GET1: variants seen among roughly 807,000 people sequenced by gnomAD.
GET1 encodes guided entry of tail-anchored proteins factor 1.
A neutral mutation model predicts 22.6 loss-of-function variants in GET1; 20 were observed. That is an observed-to-expected ratio of 0.89 (90% CI 0.62 to 1.29). The LOEUF is 1.29. Ranked by LOEUF, GET1 falls within the 50% of genes most tolerant of loss-of-function variation. The probability of loss-of-function intolerance (pLI) is 0.00; values close to 1 mark genes in which losing one functional copy is unlikely to be tolerated. For missense variants in GET1, 209 were observed against 219.9 expected, an observed-to-expected ratio of 0.95 and a Z score of 0.31; for synonymous variants, 92 against 83.8, an observed-to-expected ratio of 1.10 and a Z score of -0.53.
At chr21:39,412,214 C>G (rs2040205138) in intron 1 of GET1, among the ~76,000 whole-genome samples, 3 of 152,154 alleles carry the variant, frequency 2.0e-5, no homozygotes, top group African/African-American at 4.8e-5. Context: ...CGGTCAGCAG[C>G]TGTGTGTGAC....
chr21:39,401,969 C>T (rs994212890), downstream of GET1, among the ~76,000 whole-genome samples: 2 of 152,166 alleles, frequency 1.3e-5, no homozygotes. Flanking sequence ...CCCAGGGCTC[C>T]CTATTCCTTA....
intron 4 of GET1, among the ~76,000 whole-genome samples, chr21:39,404,521 G>A (rs1365657771): frequency 6.6e-6 from 1 of 152,142 alleles, no homozygotes; most frequent in Non-Finnish European, 1.5e-5. Context: ...GAGGTGGGCA[G>A]ATCACCTGAG....
chr21:39,424,306 G>A lies in GET1; in HGVS notation c.*24-3926G>A, dbSNP rs1018053561. Among the ~76,000 whole-genome samples the A allele has an allele frequency of 2.6e-5, 4 of 152,108 alleles. No homozygotes were observed. In the East Asian group the frequency reaches 7.7e-4, roughly 29 times the overall value. On this transcript the variant is annotated intron_variant, in intron 1 of 1. Transcript: ENST00000478273. Reference sequence around the variant, plus strand: ...TGGGATTACAGGTGGGAGCCATTGTGCCCGGCCTCTACAAAATTTTGAAAA... The same window carrying A: ...TGGGATTACAGGTGGGAGCCATTGTACCCGGCCTCTACAAAATTTTGAAAA...
chr21:39,395,491 G>A (rs529186590), intron 4 of GET1, among the ~76,000 whole-genome samples: 8 of 151,880 alleles, frequency 5.3e-5, no homozygotes, highest in African/African-American at 9.7e-5. Context: ...CAGCCTCCCC[G>A]GTAGCTGGGA....
At position 39,387,701 on chromosome 21, in the gene GET1, C is replaced by A. The variant is rs59724875; in HGVS notation, c.103-2997C>A. 2,260 of 807,458 alleles carry A rather than the reference C, an allele frequency of 2.8e-3. 56 individuals are homozygous for A. The African/African-American group carries it at 0.04, about 14-fold the overall frequency. 50.0% of individuals were successfully genotyped at this position (807,458 alleles called of 1,614,324 possible). On this transcript the variant is annotated intron_variant, in intron 1 of 4. Coordinates refer to ENST00000649170, the MANE Select transcript of GET1 (RefSeq NM_004627.6). ...CCCTACTCCCCACACTCCCCCCCCCCACTTTTGCCTCATCACGCAGGCGCT... is the reference window on the plus strand; with the variant it reads ...CCCTACTCCCCACACTCCCCCCCCCAACTTTTGCCTCATCACGCAGGCGCT...
At position 39,420,656 on chromosome 21, in the gene GET1, T is replaced by A. The variant is rs139473385; in HGVS notation, c.*24-7576T>A. The A allele has an allele frequency of 1.8e-5, 27 of 1,505,528 alleles. No individual in the cohort carries two copies. In the Middle Eastern group the frequency reaches 8.3e-4, roughly 46 times the overall value. The allele number at this position is 1,505,528 out of a possible 1,614,324, so 93.3% of individuals were successfully genotyped here. Reference sequence around the variant, plus strand: ...ATATAATAGACATAAATAGCTCATATATTTCGGGAAACAGGATTTCATTCT... The same window carrying A: ...ATATAATAGACATAAATAGCTCATAAATTTCGGGAAACAGGATTTCATTCT... On this transcript the variant is annotated intron_variant, in intron 1 of 1. Transcript: ENST00000478273.
intron 1 of GET1, chr21:39,387,705 T>G: frequency 1.8e-6 from 1 of 568,858 alleles, no homozygotes; most frequent in Non-Finnish European, 2.2e-6. Context: ...CCCCCCCACT[T>G]TTGCCTCATC....
At chr21:39,420,220 T>C (rs999606520) in intron 1 of GET1, among the ~76,000 whole-genome samples, 1 of 152,022 alleles carries the variant, frequency 6.6e-6, no homozygotes, top group Non-Finnish European at 1.5e-5. Flanking sequence ...AGAAAGATAT[T>C]AATGAAGTTA....
chr21:39,410,303 C>CT, downstream of GET1: 1 of 1,610,768 alleles, frequency 6.2e-7, no homozygotes, highest in Non-Finnish European at 8.5e-7. Flanking sequence ...TTTGGGTTCC[C>CT]TGGTGTCTCA....
downstream of GET1, among the ~76,000 whole-genome samples, chr21:39,401,382 T>A (rs896426135): frequency 6.6e-6 from 1 of 152,142 alleles, no homozygotes; most frequent in Non-Finnish European, 1.5e-5. Flanking sequence ...ATAGTTTTTA[T>A]TAAATATTGA....
chr21:39,385,292 T>C (rs1283193535), intron 1 of GET1, among the ~76,000 whole-genome samples: 1 of 152,054 alleles, frequency 6.6e-6, no homozygotes, highest in Non-Finnish European at 1.5e-5. Flanking sequence ...GCCGCACTGG[T>C]CCCCGCACTG....
intron 4 of GET1, 54 bp downstream of exon 4, chr21:39,393,334 G>A (rs1440184648): frequency 7.1e-7 from 1 of 1,408,850 alleles, no homozygotes; most frequent in Admixed American, 1.7e-5. Flanking sequence ...TTATGTAGAG[G>A]TGTGTGGTAG....
intron 1 of GET1, chr21:39,422,990 C>T (rs1397996081): frequency 6.2e-7 from 1 of 1,610,464 alleles, no homozygotes. Context: ...ATTTTTTTGT[C>T]ATTTGCGTCC....
rs557981489 is a variant in GET1 at position 39,424,204 on chromosome 21, A to G, written c.*24-4028A>G. ...ATTTTTGTATTTTTAGTAGAGACGGAGTTTCACCATGTTGGCCAGGCTGGT... is the reference window on the plus strand; with the variant it reads ...ATTTTTGTATTTTTAGTAGAGACGGGGTTTCACCATGTTGGCCAGGCTGGT... On this transcript the variant is annotated intron_variant, in intron 1 of 1. Transcript: ENST00000478273. Among the ~76,000 whole-genome samples, 297 of 152,012 alleles carry G rather than the reference A, an allele frequency of 2.0e-3. 1 individual carries two copies. The highest frequency in any genetic ancestry group is 3.9e-3 in the Admixed American group (59 of 15,270).
intron 1 of GET1, among the ~76,000 whole-genome samples, chr21:39,381,368 G>C (rs2037546486): frequency 6.6e-6 from 1 of 152,160 alleles, no homozygotes; most frequent in Non-Finnish European, 1.5e-5. Flanking sequence ...GCGTTGTCTT[G>C]GAAAACAGTT....
intron 1 of GET1, chr21:39,428,191 A>C (rs768560346): frequency 6.3e-7 from 1 of 1,581,646 alleles, no homozygotes; most frequent in Non-Finnish European, 8.6e-7. Context: ...GGGAGATTTT[A>C]GAAACATTAT....
At position 39,397,047 on chromosome 21, in the gene GET1, GA is replaced by G; in HGVS notation, c.*109del. The G allele has an allele frequency of 8.2e-7, 1 of 1,223,774 alleles. No homozygotes were observed. Among genetic ancestry groups the G allele is most frequent in the South Asian group, 1.4e-5 (1 of 71,980 alleles). The allele number at this position is 1,223,774 out of a possible 1,614,324, so 75.8% of individuals were successfully genotyped here. A position where few individuals can be genotyped will look rare whatever the true frequency, so the allele number is the denominator to read the frequency against. On this transcript the variant is annotated 3_prime_UTR_variant, in exon 5 of 5. Transcript: ENST00000649170. The stretch of plus-strand genomic sequence containing the variant: ...TTAAGAAACAAAAGTGCATAGTTTA[GA>G]TTTTTTTTTTGTTGAATATGTTTGT...
At chr21:39,427,001 A>G (rs896738859) in intron 1 of GET1, among the ~76,000 whole-genome samples, 1 of 152,246 alleles carries the variant, frequency 6.6e-6, no homozygotes, top group East Asian at 1.9e-4. Context: ...TGTCTTAGAT[A>G]AAGAATCCCT....
intron 3 of GET1, 87 bp downstream of exon 3, chr21:39,391,923 C>G (rs768624161): frequency 7.6e-7 from 1 of 1,312,802 alleles, no homozygotes; most frequent in Non-Finnish European, 1.1e-6. Flanking sequence ...GCTGGGAGTT[C>G]GGGCTGTTCC....
Sources: allele counts gnomAD v4.1 joint callset (sites outside exome capture counted in the v4.1 genomes callset), GRCh38; gene constraint gnomAD v4.1.1; transcripts MANE v1.5; gene names NCBI Gene and HGNC (gene_info 2026-07-23, HGNC 2026-07-21).